The following NEK6 variants were observed in gnomAD, a reference collection of about 807,000 sequenced individuals.
The protein encoded by NEK6 is NIMA related kinase 6, also known as serine/threonine-protein kinase Nek6.
In NEK6, 27 loss-of-function variants were observed where a neutral mutation model predicts 43.5. The observed-to-expected ratio is 0.62, with a 90% CI of 0.46 to 0.86. The LOEUF (loss-of-function observed/expected upper bound fraction) is 0.86, where lower values mean the gene tolerates loss of function less well. Ranked by LOEUF, NEK6 falls within the 40% of genes least tolerant of loss-of-function variation. NEK6 has a pLI of 0.00. For synonymous variants in NEK6, 167 were observed against 164.1 expected, an observed-to-expected ratio of 1.02 and a Z score of -0.14; for missense variants, 318 against 414.4, an observed-to-expected ratio of 0.77 and a Z score of 2.02.
intron 1 of NEK6, among the ~76,000 whole-genome samples, chr9:124,288,456 G>A (rs1302150775): frequency 1.3e-5 from 2 of 152,064 alleles, no homozygotes; most frequent in Admixed American, 6.5e-5. Context: ...CTAATTTTTT[G>A]TATTTTTAGT....
chr9:124,279,912 C>T (rs1362148275), intron 1 of NEK6, among the ~76,000 whole-genome samples: 1 of 152,244 alleles, frequency 6.6e-6, no homozygotes, highest in Non-Finnish European at 1.5e-5. Context: ...TCCTGTGTCC[C>T]CAACCCCTCG....
intron 1 of NEK6, among the ~76,000 whole-genome samples, chr9:124,297,339 C>T (rs1832742255): frequency 6.6e-6 from 1 of 152,196 alleles, no homozygotes; most frequent in Admixed American, 6.5e-5. Flanking sequence ...AGGCTCTGTG[C>T]TAAGGAGTTT....
chr9:124,348,075 C>T (rs7045589), intron 9 of NEK6, among the ~76,000 whole-genome samples: 73,067 of 152,054 alleles, frequency 0.48, 18,321 homozygotes, highest in Non-Finnish European at 0.56. Context: ...CACATCTCCA[C>T]CTGTTCAGCT....
intron 1 of NEK6, chr9:124,259,427 C>T (rs1462976005): frequency 3.3e-5 from 5 of 151,974 alleles, no homozygotes; most frequent in Non-Finnish European, 5.9e-5. Flanking sequence ...CCGGACTCAG[C>T]GAGTTTGGAC....
chr9:124,264,466 A>AG (rs1831148852), intron 1 of NEK6, among the ~76,000 whole-genome samples: 1 of 152,208 alleles, frequency 6.6e-6, no homozygotes. Flanking sequence ...ATTCAACTTT[A>AG]GGATTAGAAT....
chr9:124,318,859 C>T (rs1425305817), intron 4 of NEK6, among the ~76,000 whole-genome samples: 5 of 152,154 alleles, frequency 3.3e-5, no homozygotes, highest in Admixed American at 2.0e-4. Context: ...TTAGTAGAGA[C>T]GGAGTTTCAC....
At chr9:124,309,214 T>C (rs10986311) in intron 2 of NEK6, among the ~76,000 whole-genome samples, 51,926 of 152,042 alleles carry the variant, frequency 0.34, 8,968 homozygotes, top group South Asian at 0.37. Context: ...TCTAGGAAGC[T>C]GCCCCACCAG....
At chr9:124,307,011 T>C (rs938145294) in intron 2 of NEK6, among the ~76,000 whole-genome samples, 1 of 152,172 alleles carries the variant, frequency 6.6e-6, no homozygotes, top group African/African-American at 2.4e-5. Flanking sequence ...AGTGTAAAGA[T>C]GATTAAAATT....
chr9:124,285,763 T>C (rs918703462), intron 1 of NEK6, among the ~76,000 whole-genome samples: 4 of 152,010 alleles, frequency 2.6e-5, no homozygotes, highest in Non-Finnish European at 4.4e-5. Flanking sequence ...GTTAGGAGTG[T>C]GGGTTCTGGA....
intron 2 of NEK6, among the ~76,000 whole-genome samples, chr9:124,309,233 G>A (rs1833416308): frequency 6.6e-6 from 1 of 152,204 alleles, no homozygotes; most frequent in Non-Finnish European, 1.5e-5. Context: ...AGAGGAGCTG[G>A]CCTCTAATTG....
intron 7 of NEK6, among the ~76,000 whole-genome samples, chr9:124,333,773 CTTTTTTT>C (rs148074227): frequency 1.7e-5 from 2 of 120,018 alleles, no homozygotes; most frequent in African/African-American, 6.3e-5. Context: ...CATTTCAGTC[CTTTTTTT>C]TTTTTTTTTT....
upstream of NEK6, chr9:124,257,662 T>C (rs1315337079): frequency 2.6e-6 from 4 of 1,525,768 alleles, no homozygotes; most frequent in Non-Finnish European, 2.6e-6. Context: ...GTTGGCTGAC[T>C]GCAGACCCTC....
At chr9:124,305,811 C>G (rs913341291) in intron 2 of NEK6, among the ~76,000 whole-genome samples, 2 of 152,200 alleles carry the variant, frequency 1.3e-5, no homozygotes, top group African/African-American at 4.8e-5. Context: ...TGGGGTGGGA[C>G]AGGGAGAGGC....
intron 4 of NEK6, among the ~76,000 whole-genome samples, chr9:124,315,352 A>G (rs3758211): frequency 0.086 from 13,088 of 152,216 alleles, 931 homozygotes; most frequent in East Asian, 0.36. Flanking sequence ...GCAGAGCCAG[A>G]TACACACTCA....
At chr9:124,327,308 C>G in intron 6 of NEK6, 30 bp from the exon 7 acceptor site, 1 of 1,596,674 alleles carries the variant, frequency 6.3e-7, no homozygotes, top group Non-Finnish European at 8.6e-7. Flanking sequence ...CCTCCTACCC[C>G]ACACCAATCT....
chr9:124,297,464 C>A (rs1832747694), intron 1 of NEK6, among the ~76,000 whole-genome samples: 1 of 152,304 alleles, frequency 6.6e-6, no homozygotes, highest in South Asian at 2.1e-4. Context: ...AGTCCAGCTC[C>A]CCGCCAGCCT....
intron 1 of NEK6, among the ~76,000 whole-genome samples, chr9:124,295,479 T>G (rs1832641914): frequency 6.6e-6 from 1 of 152,218 alleles, no homozygotes; most frequent in Non-Finnish European, 1.5e-5. Flanking sequence ...GGGCCAGTAT[T>G]CATTCAGTCA....
At chr9:124,312,449 C>T (rs762937936) in intron 2 of NEK6, 60 bp from the exon 3 acceptor site, 19 of 1,552,936 alleles carry the variant, frequency 1.2e-5, no homozygotes, top group Non-Finnish European at 1.6e-5. Context: ...CTCTAGGGGT[C>T]GTCCCCAGGC....
At chr9:124,349,312 C>T (rs1242136300) in intron 9 of NEK6, among the ~76,000 whole-genome samples, 1 of 152,198 alleles carries the variant, frequency 6.6e-6, no homozygotes, top group Non-Finnish European at 1.5e-5. Context: ...TGAATTCGGA[C>T]TTGTGTATGA....
Sources: gnomAD v4.1 joint callset for allele counts (sites outside exome capture counted in the v4.1 genomes callset) on GRCh38, gnomAD v4.1.1 for gene constraint, MANE v1.5 for transcripts, NCBI Gene and HGNC (gene_info 2026-07-23, HGNC 2026-07-21) for gene names.